THBS4: variants seen among roughly 807,000 people sequenced by gnomAD.
THBS4 encodes thrombospondin 4, also known as thrombospondin-4.
A neutral mutation model predicts 115.7 loss-of-function variants in THBS4; 90 were observed. The ratio of observed to expected loss-of-function variants is 0.78; its 90% confidence interval spans 0.66 to 0.93. The LOEUF (loss-of-function observed/expected upper bound fraction) is 0.93, where lower values mean the gene tolerates loss of function less well. Among genes scored for constraint, THBS4 ranks in the 40% least tolerant of loss-of-function variants. The probability of loss-of-function intolerance (pLI) is 0.00; values close to 1 mark genes in which losing one functional copy is unlikely to be tolerated. For missense variants in THBS4, 1,087 were observed against 1,232.7 expected (o/e 0.88, Z 1.77); for synonymous variants, 460 against 479.3 (o/e 0.96, Z 0.53).
intron 2 of THBS4, among the ~76,000 whole-genome samples, chr5:79,999,784 G>C (rs1831861046): frequency 6.6e-6 from 1 of 152,176 alleles, no homozygotes; most frequent in Non-Finnish European, 1.5e-5. Flanking sequence ...TGTAAAATGA[G>C]ATATATCTGG....
chr5:80,081,297 A>C (rs554911442), intron 20 of THBS4, among the ~76,000 whole-genome samples: 1 of 152,322 alleles, frequency 6.6e-6, no homozygotes, highest in African/African-American at 2.4e-5. Flanking sequence ...CAGCCCTATT[A>C]AGCCCAATGC....
At chr5:80,054,476 A>G (rs1389870186) in intron 2 of THBS4, among the ~76,000 whole-genome samples, 1 of 151,844 alleles carries the variant, frequency 6.6e-6, no homozygotes, top group Non-Finnish European at 1.5e-5. Flanking sequence ...GAACACCACC[A>G]TGCCTGGCTA....
intron 1 of THBS4, among the ~76,000 whole-genome samples, chr5:80,037,503 A>G (rs1277299647): frequency 2.0e-5 from 3 of 152,200 alleles, no homozygotes; most frequent in Non-Finnish European, 4.4e-5. Context: ...CTGGCACTTA[A>G]ACGTAATAAC....
At chr5:79,996,805 A>T (rs1381368753) in intron 1 of THBS4, among the ~76,000 whole-genome samples, 1 of 152,182 alleles carries the variant, frequency 6.6e-6, no homozygotes, top group East Asian at 1.9e-4. Flanking sequence ...GGACAATTAT[A>T]CTTAAAAAAT....
At chr5:80,010,259 T>C (rs1832097816) in intron 2 of THBS4, among the ~76,000 whole-genome samples, 1 of 152,212 alleles carries the variant, frequency 6.6e-6, no homozygotes, top group Non-Finnish European at 1.5e-5. Flanking sequence ...AGACTACACT[T>C]TCCCCAACTC....
intron 2 of THBS4, among the ~76,000 whole-genome samples, chr5:80,016,087 T>C (rs1196104759): frequency 5.9e-5 from 9 of 152,198 alleles, no homozygotes; most frequent in Non-Finnish European, 2.9e-5. Flanking sequence ...TATTCACGCA[T>C]CTACTGCCAG....
At chr5:80,070,931 CTT>C in intron 12 of THBS4, 88 bp from the exon 13 acceptor site, 1 of 1,590,504 alleles carries the variant, frequency 6.3e-7, no homozygotes, top group Non-Finnish European at 8.5e-7. Flanking sequence ...AACTGACAAA[CTT>C]GGGCCACCAG....
intron 18 of THBS4, 29 bp from the exon 19 acceptor site, chr5:80,079,033 A>C: frequency 6.2e-7 from 1 of 1,612,412 alleles, no homozygotes; most frequent in East Asian, 2.2e-5. Context: ...TGGTTTGTCT[A>C]TTGTTCTAAT....
chr5:80,080,514 C>G (rs1262898869), intron 20 of THBS4, among the ~76,000 whole-genome samples: 2 of 139,184 alleles, frequency 1.4e-5, no homozygotes, highest in South Asian at 4.7e-4. Context: ...CTGACTGCAG[C>G]ACTATGTCCC....
intron 2 of THBS4, among the ~76,000 whole-genome samples, chr5:80,011,886 GA>G (rs549010019): frequency 3.4e-5 from 5 of 148,486 alleles, no homozygotes; most frequent in Admixed American, 1.3e-4. Flanking sequence ...TAAAAAAAAA[GA>G]AAAAAAAGAA....
intron 1 of THBS4, among the ~76,000 whole-genome samples, chr5:79,996,266 G>C (rs934718296): frequency 1.3e-5 from 2 of 152,164 alleles, no homozygotes; most frequent in African/African-American, 4.8e-5. Flanking sequence ...TCAAGGGAGA[G>C]CCATGGGCAG....
intron 2 of THBS4, among the ~76,000 whole-genome samples, chr5:80,042,226 C>T (rs906568301): frequency 6.6e-6 from 1 of 152,180 alleles, no homozygotes; most frequent in Non-Finnish European, 1.5e-5. Flanking sequence ...CATGTCTCTG[C>T]CTTGAATCAA....
At position 80,067,982 on chromosome 5, in the gene THBS4, C is replaced by T. The variant is rs1422831154; in HGVS notation, c.1204C>T (p.Arg402Cys). 3.1e-6 allele frequency: 5 copies of T among 1,613,874 alleles called. No homozygotes were observed. The highest frequency in any genetic ancestry group is 2.2e-5 in the East Asian group (1 of 44,878). The part of the protein sequence containing the change: ...SICVNTLGSY[R>C]CGPCKPGYTG... ...TCTTTGTTCCTTGCAGGGATCTTAC[C>T]GCTGTGGGCCTTGTAAGCCGGGGTA... Residue 402 changes from arginine (R) to cysteine (C), a missense_variant, in exon 10 of 22, where the codon CGC becomes TGC. Coordinates refer to ENST00000350881, the MANE Select transcript of THBS4 (RefSeq NM_003248.6).
rs16877406 is a variant in THBS4 at position 79,994,005 on chromosome 5, G to A, written n.81+2593G>A. Among the ~76,000 whole-genome samples, 1,741 of 152,268 alleles carry A rather than the reference G, an allele frequency of 0.011. 119 individuals are homozygous for A. The East Asian group carries it at 0.2, about 17-fold the overall frequency. On this transcript the variant is annotated intron_variant and non_coding_transcript_variant, in intron 1 of 3. Coordinates refer to the THBS4 transcript ENST00000510218. ...ACTTGGCCTCTGATTAGCCATATGCGCTTGGGCCAATCATTTTACATTGAT... is the reference window on the plus strand; with the variant it reads ...ACTTGGCCTCTGATTAGCCATATGCACTTGGGCCAATCATTTTACATTGAT...
rs760418686 is a variant in THBS4 at position 80,082,549 on chromosome 5, A to T, written c.2824+4A>T. 5 of 1,614,120 alleles carry T rather than the reference A, an allele frequency of 3.1e-6. No homozygotes were observed. In the South Asian group the frequency reaches 5.5e-5, roughly 18 times the overall value. ...AACCTCAAGTATCGCTGCAATGGTA[A>T]TGTGCATTCTCGTTACTGTTCAACA... On this transcript the variant is annotated splice_donor_region_variant and intron_variant, in intron 21 of 21. Coordinates refer to ENST00000350881, the MANE Select transcript of THBS4 (RefSeq NM_003248.6).
chr5:80,002,930 A>C (rs557200053), intron 2 of THBS4, among the ~76,000 whole-genome samples: 3 of 151,934 alleles, frequency 2.0e-5, no homozygotes, highest in African/African-American at 7.3e-5. Context: ...TTTGAAAAAA[A>C]AAAAAACAAA....
At chr5:80,058,905 C>CG (rs1833526697) in intron 5 of THBS4, 115 bp downstream of exon 5, 1 of 1,009,792 alleles carries the variant, frequency 9.9e-7, no homozygotes, top group African/African-American at 1.6e-5. Flanking sequence ...GCCAGATCTC[C>CG]GGGGGCCCAC....
chr5:79,997,674 C>T (rs1264070676), intron 1 of THBS4, among the ~76,000 whole-genome samples: 1 of 152,076 alleles, frequency 6.6e-6, no homozygotes, highest in Admixed American at 6.5e-5. Context: ...TTATGGAATG[C>T]CCCACCCAGT....
chr5:79,997,218 A>G (rs1431842430), intron 1 of THBS4, among the ~76,000 whole-genome samples: 1 of 152,162 alleles, frequency 6.6e-6, no homozygotes, highest in Non-Finnish European at 1.5e-5. Flanking sequence ...GTTGATCTCA[A>G]TACACCAATT....
Sources: allele counts gnomAD v4.1 joint callset (sites outside exome capture counted in the v4.1 genomes callset), GRCh38; gene constraint gnomAD v4.1.1; transcripts MANE v1.5; gene names NCBI Gene and HGNC (gene_info 2026-07-23, HGNC 2026-07-21).